Variants in ANK3 observed in about 807,000 individuals in gnomAD.
ANK3 encodes the protein ankyrin 3.
A neutral mutation model predicts 370.9 loss-of-function variants in ANK3; 57 were observed. That is an observed-to-expected ratio of 0.15 (90% CI 0.12 to 0.19). The LOEUF (loss-of-function observed/expected upper bound fraction) is 0.19, where lower values mean the gene tolerates loss of function less well. Among genes scored for constraint, ANK3 ranks in the 10% least tolerant of loss-of-function variants. The pLI is 1.00. For missense variants in ANK3, 4,439 were observed against 5,302.1 expected, an observed-to-expected ratio of 0.84 and a Z score of 5.06; for synonymous variants, 1,929 against 1,946.3, an observed-to-expected ratio of 0.99 and a Z score of 0.23.
intron 1 of ANK3, among the ~76,000 whole-genome samples, chr10:60,319,274 A>C (rs1480516209): frequency 2.0e-5 from 3 of 152,162 alleles, no homozygotes; most frequent in Admixed American, 2.0e-4. Context: ...GATGTAAGGT[A>C]CTCTGGGCAG....
intron 4 of ANK3, among the ~76,000 whole-genome samples, chr10:60,275,679 A>AT (rs2098079785): frequency 6.6e-6 from 1 of 152,182 alleles, no homozygotes; most frequent in Non-Finnish European, 1.5e-5. Flanking sequence ...ACCATAGGGA[A>AT]TATCAGAGTA....
intron 1 of ANK3, among the ~76,000 whole-genome samples, chr10:60,290,636 C>T (rs2041135503): frequency 6.6e-6 from 1 of 152,162 alleles, no homozygotes; most frequent in African/African-American, 2.4e-5. Flanking sequence ...ATGGATTTTG[C>T]TTGGAAGTAC....
chr10:60,672,253 G>A (rs996385956), intron 1 of ANK3, among the ~76,000 whole-genome samples: 4 of 152,156 alleles, frequency 2.6e-5, no homozygotes, highest in African/African-American at 7.2e-5. Flanking sequence ...GCTGACACAG[G>A]GCCCCTAATT....
intron 1 of ANK3, among the ~76,000 whole-genome samples, chr10:60,331,571 T>TAA (rs5785438): frequency 3.6e-5 from 5 of 137,076 alleles, no homozygotes; most frequent in Admixed American, 7.3e-5. Context: ...ACAGCCTAAT[T>TAA]AAAAAAAAAA....
intron 2 of ANK3, among the ~76,000 whole-genome samples, chr10:60,490,292 C>T (rs1329210437): frequency 2.0e-5 from 3 of 152,182 alleles, no homozygotes; most frequent in Non-Finnish European, 2.9e-5. Context: ...GGGTCTTTCC[C>T]AGTCCTACTG....
At chr10:60,723,439 G>C (rs551535935) in intron 1 of ANK3, among the ~76,000 whole-genome samples, 53 of 151,544 alleles carry the variant, frequency 3.5e-4, no homozygotes, top group African/African-American at 1.2e-3. Flanking sequence ...TCTTACACAA[G>C]AGCTAGGCCT....
intron 18 of ANK3, among the ~76,000 whole-genome samples, chr10:60,178,555 T>C (rs562156045): frequency 1.9e-4 from 29 of 152,328 alleles, no homozygotes; most frequent in African/African-American, 6.3e-4. Context: ...TTTGTTATTA[T>C]AATACTATGA....
chr10:60,366,607 G>A (rs2059419833), intron 1 of ANK3, among the ~76,000 whole-genome samples: 2 of 151,658 alleles, frequency 1.3e-5, no homozygotes. Context: ...GAAGGGGGAA[G>A]AAGAGAGGCA....
At chr10:60,728,717 G>A (rs1160907653) in intron 1 of ANK3, among the ~76,000 whole-genome samples, 1 of 152,128 alleles carries the variant, frequency 6.6e-6, no homozygotes, top group Non-Finnish European at 1.5e-5. Context: ...TTGGAGAACG[G>A]GGACTTCATT....
intron 2 of ANK3, among the ~76,000 whole-genome samples, chr10:60,417,571 A>AGATATAAGT (rs1304341497): frequency 6.6e-6 from 1 of 152,190 alleles, no homozygotes; most frequent in African/African-American, 2.4e-5. Flanking sequence ...ATGAAGAAAA[A>AGATATAAGT]GATATAAGTG....
In ANK3 at chr10:60,119,218, G is replaced by A. The variant is rs192341619; in HGVS notation, c.2842-4887C>T. On this transcript the variant is annotated intron_variant, in intron 25 of 43. Transcript: ENST00000280772. ...GGAAACAAAATACTCTTCCTATGGC[G>A]CATCCATCTAAATATAAAATGAAGC... Among the ~76,000 whole-genome samples, 158 of 152,164 alleles carry A rather than the reference G, an allele frequency of 1.0e-3. 2 individuals are homozygous for A. The highest frequency in any genetic ancestry group is 4.9e-4 in the Non-Finnish European group (33 of 68,012).
intron 18 of ANK3, among the ~76,000 whole-genome samples, chr10:60,173,626 T>C (rs1016551309): frequency 9.2e-5 from 14 of 152,208 alleles, no homozygotes; most frequent in Non-Finnish European, 1.6e-4. Flanking sequence ...AGGAGGTGAT[T>C]ATCAGAATGC....
In ANK3 at chr10:60,196,222, C is replaced by A. The variant is rs1427702911; in HGVS notation, c.1810G>T (p.Val604Leu). The A allele has an allele frequency of 6.2e-7, 1 of 1,613,926 alleles. No homozygotes were observed. The highest frequency in any genetic ancestry group is 1.3e-5 in the African/African-American group (1 of 74,908). ...AGKSGLTPLH[V>L]AAHYDNQKVA... is the part of the protein sequence containing the mutation. ...TTCTGATTATCGTAATGTGCAGCTA[C>A]ATGCAGTGGTGTTAGCCCGCTCTGA... Residue 604 changes from valine (V) to leucine (L), a missense_variant, in exon 16 of 44, where the codon GTA becomes TTA. By Grantham distance (32) the Val-to-Leu change is conservative. This residue lies in a region of ANK3 where 192 missense variants were observed against 192.1 expected (regional missense o/e 1.00). Transcript: ENST00000280772.
chr10:60,409,824 T>C (rs1182860468), intron 2 of ANK3, among the ~76,000 whole-genome samples: 2 of 152,148 alleles, frequency 1.3e-5, no homozygotes, highest in African/African-American at 4.8e-5. Context: ...CTCAACAACA[T>C]TTAAAAATAT....
chr10:60,698,038 G>T (rs1241762414), intron 1 of ANK3, among the ~76,000 whole-genome samples: 1 of 151,952 alleles, frequency 6.6e-6, no homozygotes, highest in Non-Finnish European at 1.5e-5. Context: ...AATCTACAAT[G>T]AACTCAAACA....
At chr10:60,195,432 A>G (rs2096571637) in intron 16 of ANK3, among the ~76,000 whole-genome samples, 1 of 151,896 alleles carries the variant, frequency 6.6e-6, no homozygotes, top group Non-Finnish European at 1.5e-5. Flanking sequence ...GGGATACTCA[A>G]TGGTCCTCCA....
At chr10:60,465,789 C>CTTTTTTTTTTT in intron 2 of ANK3, among the ~76,000 whole-genome samples, 1 of 109,708 alleles carries the variant, frequency 9.1e-6, no homozygotes, top group Non-Finnish European at 2.0e-5. Context: ...TTTTTTCTTT[C>CTTTTTTTTTTT]TTTTTTTTTT....
intron 6 of ANK3, 33 bp downstream of exon 6, chr10:60,263,802 T>G: frequency 1.9e-6 from 3 of 1,611,596 alleles, no homozygotes; most frequent in Non-Finnish European, 2.5e-6. Context: ...CACCGGAGAG[T>G]TGCATGACAG....
chr10:60,366,167 G>A (rs191311264), intron 1 of ANK3, among the ~76,000 whole-genome samples: 16 of 151,872 alleles, frequency 1.1e-4, no homozygotes, highest in South Asian at 6.3e-4. Flanking sequence ...GTGAAATCCC[G>A]TCTCTACTAA....
Sources: allele counts gnomAD v4.1 joint callset (sites outside exome capture counted in the v4.1 genomes callset), GRCh38; gene constraint gnomAD v4.1.1; regional missense constraint gnomAD v4.1.1; transcripts MANE v1.5; gene names NCBI Gene and HGNC (gene_info 2026-07-23, HGNC 2026-07-21).